ATXN7L2: variants seen among roughly 807,000 people sequenced by gnomAD.
The protein encoded by ATXN7L2 is ataxin 7 like 2, also known as ataxin-7-like protein 2.
A neutral mutation model predicts 59.6 loss-of-function variants in ATXN7L2; 17 were observed. The ratio of observed to expected loss-of-function variants is 0.29; its 90% CI spans 0.20 to 0.43. ATXN7L2 has a LOEUF of 0.43. Among genes scored for constraint, ATXN7L2 ranks in the 20% least tolerant of loss-of-function variants. The pLI is 1.00. For synonymous variants in ATXN7L2, 378 were observed against 392.5 expected (o/e 0.96, Z 0.44); for missense variants, 858 against 1,008.9 (o/e 0.85, Z 2.03).
chr1:109,484,475 C>G (rs1398839883), intron 1 of ATXN7L2, among the ~76,000 whole-genome samples: 1 of 151,294 alleles, frequency 6.6e-6, no homozygotes, highest in Non-Finnish European at 1.5e-5. Flanking sequence ...CCTCACCCCC[C>G]TTGTTCCTTC....
Position 109,491,307 on chromosome 1 carries a change from A to G in ATXN7L2, c.1840A>G (p.Lys614Glu). Residue 614 changes from lysine (K) to glutamate (E), a missense_variant, in exon 10 of 11, where the codon AAA becomes GAA. Coordinates refer to ENST00000683729, the MANE Select transcript of ATXN7L2 (RefSeq NM_001350175.2). The surrounding 1 kb of genome is among the most constrained non-coding windows in gnomAD (Gnocchi z 4.1). The part of the protein sequence containing the change: ...RKLSPGPTTL[K>E]RTCILEPTGK... The stretch of plus-strand genomic sequence containing the variant: ...GTTATCCCCTGGCCCTACCACTCTT[A>G]AACGGACCTGCATCCTGGAGCCCAC... 1 of 1,614,238 alleles carries G rather than the reference A, an allele frequency of 6.2e-7. No homozygotes were observed. The highest frequency in any genetic ancestry group is 8.5e-7 in the Non-Finnish European group (1 of 1,180,050).
At chr1:109,489,197 G>A (rs1246708305) in intron 7 of ATXN7L2, 97 bp downstream of exon 7, 1 of 1,461,114 alleles carries the variant, frequency 6.8e-7, no homozygotes, top group African/African-American at 1.4e-5. Context: ...TCCTGGAAGA[G>A]GCACTCCCTC....
chr1:109,492,581 T>C lies in ATXN7L2; in HGVS notation c.2251-5T>C, dbSNP rs1657185494. 6.2e-7 allele frequency: 1 copy of C among 1,613,914 alleles called. No individual in the cohort carries two copies. Among genetic ancestry groups the C allele is most frequent in the Non-Finnish European group, 8.5e-7 (1 of 1,179,976 alleles). On this transcript the variant is annotated splice_polypyrimidine_tract_variant and splice_region_variant and intron_variant, in intron 10 of 10. Transcript: ENST00000683729. ...CCCTTTCTCTCGCCTCTTGTCTTCC[T>C]GCAGTCAAAAGCCCATTAACGAGAA...
rs754489154 is a variant in ATXN7L2 at position 109,488,926 on chromosome 1, A to C, written c.959A>C (p.Asn320Thr). The change falls in exon 7 of 11, where the codon AAC becomes ACC. Residue 320 changes from asparagine (N) to threonine (T), a missense_variant. Asn to Thr is a moderately conservative substitution (Grantham distance 65, BLOSUM62 0). This residue lies in a region of ATXN7L2 where 734 missense variants were observed against 862.3 expected (regional missense o/e 0.85). Transcript: ENST00000683729. This position sits in a 1 kb window ranked among gnomAD's most constrained non-coding sequence, Gnocchi z 5.0. ...FDVLVAELKA[N>T]SRKGESPKEK... The stretch of plus-strand genomic sequence containing the variant: ...GTGCTGGTGGCAGAGCTGAAGGCCA[A>C]CTCCCGCAAAGGGGAGTCTCCCAAG... 4 of 1,614,008 alleles carry C rather than the reference A, an allele frequency of 2.5e-6. No homozygotes were observed. Among genetic ancestry groups the C allele is most frequent in the Non-Finnish European group, 3.4e-6 (4 of 1,180,010 alleles).
At chr1:109,489,860 G>T in intron 7 of ATXN7L2, 70 bp from the exon 8 acceptor site, 1 of 1,558,948 alleles carries the variant, frequency 6.4e-7, no homozygotes, top group South Asian at 1.1e-5. Flanking sequence ...GAGCTCGGCA[G>T]GTTCAAGGAT....
At position 109,486,946 on chromosome 1, in the gene ATXN7L2, G is replaced by A; in HGVS notation, c.299-61G>A. 3 of 1,414,812 alleles carry A rather than the reference G, an allele frequency of 2.1e-6. No homozygotes were observed. Among genetic ancestry groups the A allele is most frequent in the Non-Finnish European group, 2.9e-6 (3 of 1,047,986 alleles). The allele number at this position is 1,414,812 out of a possible 1,614,324, so 87.6% of individuals were successfully genotyped here. A position where few individuals can be genotyped will look rare whatever the true frequency, so the allele number is the denominator to read the frequency against. ...CATGTGAGTCTATGGACATGGTTAGGTTGGGGAAGGAAGTGGTGATACCAC... is the reference window on the plus strand; with the variant it reads ...CATGTGAGTCTATGGACATGGTTAGATTGGGGAAGGAAGTGGTGATACCAC... On this transcript the variant is annotated intron_variant, in intron 3 of 10. Transcript: ENST00000683729. The surrounding 1 kb of genome is among the most constrained non-coding windows in gnomAD (Gnocchi z 4.3).
intron 7 of ATXN7L2, 47 bp from the exon 8 acceptor site, chr1:109,489,883 A>G: frequency 6.2e-7 from 1 of 1,605,596 alleles, no homozygotes; most frequent in Non-Finnish European, 8.5e-7. Context: ...CCCTACTCTG[A>G]CCCCACAACA....
Position 109,491,027 on chromosome 1 carries a change from A to G in ATXN7L2, c.1560A>G (p.Pro520=). ...STGTCPRLPG[P]TLRPACPASM... Reference sequence around the variant, plus strand: ...GCACCTGCCCCCGCCTTCCAGGTCCAACCCTGAGACCTGCCTGCCCAGCCT... The same window carrying G: ...GCACCTGCCCCCGCCTTCCAGGTCCGACCCTGAGACCTGCCTGCCCAGCCT... Residue 520 remains proline (P), a synonymous_variant, in exon 10 of 11, where the codon CCA becomes CCG. Coordinates refer to ENST00000683729, the MANE Select transcript of ATXN7L2 (RefSeq NM_001350175.2). This position sits in a 1 kb window ranked among gnomAD's most constrained non-coding sequence, Gnocchi z 4.1. The G allele has an allele frequency of 6.2e-7, 1 of 1,613,676 alleles. No individual in the cohort carries two copies. Among genetic ancestry groups the G allele is most frequent in the East Asian group, 2.2e-5 (1 of 44,878 alleles).
intron 9 of ATXN7L2, 111 bp downstream of exon 9, chr1:109,490,503 G>T: frequency 2.1e-6 from 3 of 1,442,060 alleles, no homozygotes; most frequent in Non-Finnish European, 1.8e-6. Flanking sequence ...GGTGTGCCTT[G>T]GCTATTTGCC....
rs1656954823 is a variant in ATXN7L2, at chr1:109,490,381, A to G, written c.1443A>G (p.Thr481=). ...LSSMLERHLS[T]HMWKKIPPAA... ...CCATGCTGGAACGGCACCTCAGCAC[A>G]CACATGTGGAAGTAAGTCTCTCGGA... is the stretch of plus-strand genomic sequence containing the variant. The change falls in exon 9 of 11, where the codon ACA becomes ACG. Residue 481 remains threonine, a synonymous_variant. Transcript: ENST00000683729. 6 of 1,613,086 alleles carry G rather than the reference A, an allele frequency of 3.7e-6. No individual in the cohort carries two copies. The highest frequency in any genetic ancestry group is 5.1e-6 in the Non-Finnish European group (6 of 1,179,944).
intron 1 of ATXN7L2, 99 bp downstream of exon 1, chr1:109,484,179 C>T: frequency 1.7e-6 from 2 of 1,167,096 alleles, no homozygotes; most frequent in Non-Finnish European, 2.2e-6. Context: ...CTGGAGCCGC[C>T]GTCCGGCTCC....
At chr1:109,484,167 G>C in intron 1 of ATXN7L2, 87 bp downstream of exon 1, 1 of 1,214,948 alleles carries the variant, frequency 8.2e-7, no homozygotes. Flanking sequence ...GGGAGCCGCC[G>C]ACTGGAGCCG....
intron 4 of ATXN7L2, 114 bp downstream of exon 4, chr1:109,487,331 C>T (rs1656664114): frequency 6.6e-6 from 8 of 1,205,486 alleles, no homozygotes; most frequent in Admixed American, 3.2e-5. Context: ...AGGAGGCAGC[C>T]GTCCTGTCTG....
Position 109,487,585 on chromosome 1 carries a change from A to G in ATXN7L2, c.577A>G (p.Arg193Gly). The G allele has an allele frequency of 1.4e-5, 22 of 1,548,540 alleles. No homozygotes were observed. Among genetic ancestry groups the G allele is most frequent in the Non-Finnish European group, 1.8e-5 (21 of 1,149,670 alleles). ...SLPKPDGHGIRVAPPSAFLSQ... is the reference protein window; with the variant it reads ...SLPKPDGHGIGVAPPSAFLSQ... ...CCCGAAGCCTGATGGACATGGAATCAGGGTGGCCCCACCCTCTGCTTTTCT... is the reference window on the plus strand; with the variant it reads ...CCCGAAGCCTGATGGACATGGAATCGGGGTGGCCCCACCCTCTGCTTTTCT... Residue 193 changes from arginine (R) to glycine (G), a missense_variant, in exon 5 of 11, where the codon AGG becomes GGG. Arg to Gly is a moderately radical substitution (Grantham distance 125). Around this residue, in one of 3 missense-constraint regions of ATXN7L2, gnomAD observed 734 missense variants for 862.3 expected, o/e 0.85. Coordinates refer to ENST00000683729, the MANE Select transcript of ATXN7L2 (RefSeq NM_001350175.2).
At chr1:109,490,534 G>C in intron 9 of ATXN7L2, 142 bp downstream of exon 9, 1 of 1,274,102 alleles carries the variant, frequency 7.8e-7, no homozygotes, top group African/African-American at 1.5e-5. Flanking sequence ...CAGATAGGGA[G>C]TAGCATGAAA....
chr1:109,485,951 G>T, intron 1 of ATXN7L2, 106 bp from the exon 2 acceptor site: 2 of 1,380,368 alleles, frequency 1.4e-6, no homozygotes, highest in Non-Finnish European at 1.9e-6. Flanking sequence ...TTCTGGAAAG[G>T]GGACAACCTC....
intron 7 of ATXN7L2, 176 bp from the exon 8 acceptor site, chr1:109,489,754 T>G: frequency 1.5e-6 from 1 of 683,856 alleles, no homozygotes; most frequent in East Asian, 2.6e-5. Flanking sequence ...TCTCTGTCTC[T>G]TACTCTGTGA....
Position 109,486,855 on chromosome 1 carries a change from A to G in ATXN7L2, c.299-152A>G, listed in dbSNP as rs1656617488. On this transcript the variant is annotated intron_variant, in intron 3 of 10. Coordinates refer to ENST00000683729, the MANE Select transcript of ATXN7L2 (RefSeq NM_001350175.2). This position sits in a 1 kb window ranked among gnomAD's most constrained non-coding sequence, Gnocchi z 4.3. The stretch of plus-strand genomic sequence containing the variant: ...AGCTGGGTCTTGAATTTTGAGTCCT[A>G]AAGGCTCAGATTCAAATGGGAAGGA... The G allele has an allele frequency of 1.2e-6, 1 of 822,410 alleles. No individual in the cohort carries two copies. The highest frequency in any genetic ancestry group is 2.0e-5 in the South Asian group (1 of 49,998). The allele number at this position is 822,410 out of a possible 1,614,324, so 50.9% of individuals were successfully genotyped here.
chr1:109,490,074 C>T lies in ATXN7L2; in HGVS notation c.1278C>T (p.Asp426=). Residue 426 remains aspartate, a synonymous_variant, in exon 8 of 11, where the codon GAC becomes GAT. Transcript: ENST00000683729. The stretch of plus-strand genomic sequence containing the variant: ...GTGAGGAGGAGGGGACATCTGACGA[C>T]CTCCACCCACCCCCTGACTGCCATT... ...EESEEEGTSD[D]LHPPPDCHYA... The T allele has an allele frequency of 6.2e-7, 1 of 1,600,262 alleles. No homozygotes were observed. Among genetic ancestry groups the T allele is most frequent in the Non-Finnish European group, 8.5e-7 (1 of 1,172,706 alleles).
Sources: allele counts gnomAD v4.1 joint callset (sites outside exome capture counted in the v4.1 genomes callset), GRCh38; gene constraint gnomAD v4.1.1; regional missense constraint gnomAD v4.1.1; non-coding constraint Gnocchi (gnomAD v3.1); transcripts MANE v1.5; gene names NCBI Gene and HGNC (gene_info 2026-07-23, HGNC 2026-07-21).